Variants in ZNF595 observed in about 807,000 individuals in gnomAD.
The protein encoded by ZNF595 is zinc finger protein 595.
Under a neutral mutation model 19.4 loss-of-function variants are expected in ZNF595, and 9 were observed. The observed-to-expected ratio is 0.46, with a 90% CI of 0.28 to 0.81. The LOEUF (loss-of-function observed/expected upper bound fraction) is 0.81. Among genes scored for constraint, ZNF595 ranks in the 30% least tolerant of loss-of-function variants. The probability of loss-of-function intolerance (pLI) is 0.11; values close to 1 mark genes in which losing one functional copy is unlikely to be tolerated. For missense variants in ZNF595, 729 were observed against 736.0 expected, an observed-to-expected ratio of 0.99 and a Z score of 0.11; for synonymous variants, 255 against 255.9, an observed-to-expected ratio of 1.00 and a Z score of 0.03.
intron 3 of ZNF595, among the ~76,000 whole-genome samples, chr4:83,436 G>A (rs2108762073): frequency 6.6e-6 from 1 of 151,960 alleles, no homozygotes; most frequent in South Asian, 2.1e-4. Flanking sequence ...CTAACATGGT[G>A]AAACCCCGTC....
rs782243143 is a variant in ZNF595 at position 86,068 on chromosome 4, T to G, written c.564T>G (p.Thr188=). 1.9e-6 allele frequency: 3 copies of G among 1,613,068 alleles called. No individual in the cohort carries two copies. The East Asian group carries it at 6.7e-5, about 36-fold the overall frequency. ...GATCGTTTTACATGTCACACCTAAC[T>G]CAACATACAGGAATTCATGCTGGAG... ...CGRSFYMSHL[T]QHTGIHAGEK... Residue 188 remains threonine, a synonymous_variant, in exon 4 of 4, where the codon ACT becomes ACG. Transcript: ENST00000610261.
intron 3 of ZNF595, among the ~76,000 whole-genome samples, chr4:74,058 A>G (rs1713542934): frequency 6.6e-6 from 1 of 152,138 alleles, no homozygotes; most frequent in Non-Finnish European, 1.5e-5. Flanking sequence ...CTGTAATCCT[A>G]ATACTTTGGG....
At chr4:82,153 A>G (rs1553800034) in intron 3 of ZNF595, among the ~76,000 whole-genome samples, 1 of 151,876 alleles carries the variant, frequency 6.6e-6, no homozygotes, top group African/African-American at 2.4e-5. Flanking sequence ...TCTCTTTTTG[A>G]AGATTGTGGG....
rs782336190 is a variant in ZNF595, at chr4:86,694, CAT to C, written c.1191_1192del (p.Cys398Ter). ...ATTCATACTGGAGAGAAACCCTACA[CAT>C]GTGAAGAATGTGGCAAAGCTTTTTA... On this transcript the variant is annotated frameshift_variant, in exon 4 of 4. Coordinates refer to ENST00000610261, the MANE Select transcript of ZNF595 (RefSeq NM_182524.4). LOFTEE classifies it high-confidence loss of function. 57 of 1,604,448 alleles carry C rather than the reference CAT, an allele frequency of 3.6e-5. No individual in the cohort carries two copies. Among genetic ancestry groups the C allele is most frequent in the African/African-American group, 1.1e-4 (8 of 72,608 alleles).
chr4:83,400 C>T (rs147739510), intron 3 of ZNF595, among the ~76,000 whole-genome samples: 73 of 151,774 alleles, frequency 4.8e-4, no homozygotes, highest in Non-Finnish European at 8.8e-4. Context: ...TGGGTGGTCA[C>T]GAGGTCAGGA....
At chr4:66,680 C>T (rs1356626344) in intron 3 of ZNF595, among the ~76,000 whole-genome samples, 1 of 152,010 alleles carries the variant, frequency 6.6e-6, no homozygotes, top group East Asian at 1.9e-4. Context: ...TTTTCCAACA[C>T]CATCTATTGA....
intron 3 of ZNF595, among the ~76,000 whole-genome samples, chr4:79,329 A>G (rs1713807265): frequency 6.6e-6 from 1 of 152,242 alleles, no homozygotes; most frequent in African/African-American, 2.4e-5. Flanking sequence ...CATTTTTAAA[A>G]TCTGATACTG....
intron 3 of ZNF595, among the ~76,000 whole-genome samples, chr4:70,207 TAC>T (rs2108754366): frequency 6.6e-6 from 1 of 152,340 alleles, no homozygotes; most frequent in East Asian, 1.9e-4. Context: ...ATTGAATCCC[TAC>T]AGTTTGAGGT....
At chr4:79,213 A>G (rs1713801952) in intron 3 of ZNF595, among the ~76,000 whole-genome samples, 1 of 150,578 alleles carries the variant, frequency 6.6e-6, no homozygotes, top group Admixed American at 6.6e-5. Flanking sequence ...TTTCTGTTTG[A>G]CTCTCATTTT....
At chr4:78,981 C>G (rs1038183555) in intron 3 of ZNF595, among the ~76,000 whole-genome samples, 1 of 152,216 alleles carries the variant, frequency 6.6e-6, no homozygotes, top group African/African-American at 2.4e-5. Context: ...GCATGGGCCA[C>G]CACCCCCGGC....
rs1180741043 is a variant in ZNF595, at chr4:70,133, GA to G, written c.226+9981del. Among the ~76,000 whole-genome samples, 10 of 152,104 alleles carry G rather than the reference GA, an allele frequency of 6.6e-5. 1 individual carries two copies. The East Asian group carries it at 1.9e-3, about 29-fold the overall frequency. On this transcript the variant is annotated intron_variant, in intron 3 of 3. Transcript: ENST00000610261. ...CTACTAAAGAGTAATTGACATTGTG[GA>G]CTTTCCAAGTAGAAAGCACCAACGG... is the stretch of plus-strand genomic sequence containing the variant.
chr4:81,628 C>T (rs1382068583), intron 3 of ZNF595, among the ~76,000 whole-genome samples: 2 of 152,174 alleles, frequency 1.3e-5, no homozygotes, highest in Non-Finnish European at 2.9e-5. Flanking sequence ...TTGTTACTCA[C>T]TGTATCTCTA....
chr4:80,545 C>G (rs532397325), intron 3 of ZNF595, among the ~76,000 whole-genome samples: 1 of 152,136 alleles, frequency 6.6e-6, no homozygotes, highest in African/African-American at 2.4e-5. Context: ...TGGGTGCAGA[C>G]GAGCTGAGTC....
intron 3 of ZNF595, among the ~76,000 whole-genome samples, chr4:75,487 A>G (rs1189220970): frequency 6.6e-6 from 1 of 152,218 alleles, no homozygotes; most frequent in Non-Finnish European, 1.5e-5. Context: ...AGCTGTCATG[A>G]CCTAATAACT....
chr4:81,234 A>G (rs533821743), intron 3 of ZNF595, among the ~76,000 whole-genome samples: 3 of 152,348 alleles, frequency 2.0e-5, no homozygotes, highest in South Asian at 2.1e-4. Context: ...GTGTACTACA[A>G]TATTTCACTG....
At chr4:68,953 G>T (rs1217700158) in intron 3 of ZNF595, among the ~76,000 whole-genome samples, 5 of 152,106 alleles carry the variant, frequency 3.3e-5, no homozygotes, top group Non-Finnish European at 7.4e-5. Flanking sequence ...CTATCTCCAT[G>T]AATTAAATCA....
chr4:86,316 T>A lies in ZNF595; in HGVS notation c.812T>A (p.Leu271Gln). 6.2e-7 allele frequency: 1 copy of A among 1,613,682 alleles called. No homozygotes were observed. The highest frequency in any genetic ancestry group is 1.1e-5 in the South Asian group (1 of 90,996). The change falls in exon 4 of 4, where the codon CTG becomes CAG. Residue 271 changes from leucine to glutamine, a missense_variant. This residue lies in a region of ZNF595 where 729 missense variants were observed against 675.3 expected (regional missense o/e 1.08). Transcript: ENST00000610261. ...CGKAFTRSTT[L>Q]NEHKKIHTGE... ...AAAGCCTTTACAAGGTCCACAACAC[T>A]GAATGAACACAAGAAAATTCATACT...
intron 3 of ZNF595, among the ~76,000 whole-genome samples, chr4:83,369 C>T (rs948460678): frequency 6.6e-5 from 10 of 151,858 alleles, no homozygotes; most frequent in African/African-American, 1.9e-4. Context: ...CCTGTAATCC[C>T]AGCACTTTGG....
chr4:63,496 T>C (rs1360622545), intron 3 of ZNF595, among the ~76,000 whole-genome samples: 2 of 152,068 alleles, frequency 1.3e-5, no homozygotes, highest in South Asian at 2.1e-4. Flanking sequence ...ACTGTGTTAG[T>C]GTATACATTT....
Sources: gnomAD v4.1 joint callset for allele counts (sites outside exome capture counted in the v4.1 genomes callset) on GRCh38, gnomAD v4.1.1 for gene constraint, gnomAD v4.1.1 regional missense constraint, MANE v1.5 for transcripts, NCBI Gene and HGNC (gene_info 2026-07-23, HGNC 2026-07-21) for gene names.